LRRIQ1: variants seen among roughly 807,000 people sequenced by gnomAD.
LRRIQ1 encodes leucine-rich repeat- and IQ domain-containing protein 1.
A neutral mutation model predicts 211.9 loss-of-function variants in LRRIQ1; 210 were observed. The ratio of observed to expected loss-of-function variants is 0.99; its 90% CI spans 0.89 to 1.11. The LOEUF (loss-of-function observed/expected upper bound fraction) is 1.11. Among genes scored for constraint, LRRIQ1 ranks in the 50% most tolerant of loss-of-function variants. The pLI is 0.00. For missense variants in LRRIQ1, 2,136 were observed against 1,939.5 expected (o/e 1.10, Z -1.90); for synonymous variants, 699 against 650.1 (o/e 1.08, Z -1.14).
chr12:85,087,987 T>C (rs1225070682), intron 11 of LRRIQ1, among the ~76,000 whole-genome samples: 1 of 152,236 alleles, frequency 6.6e-6, no homozygotes, highest in Non-Finnish European at 1.5e-5. Flanking sequence ...TTGTTGCCAT[T>C]GCTTTCGGTG....
intron 26 of LRRIQ1, among the ~76,000 whole-genome samples, chr12:85,235,018 G>A (rs1054278568): frequency 2.5e-4 from 38 of 152,182 alleles, no homozygotes; most frequent in African/African-American, 8.9e-4. Context: ...CTTAGTTATA[G>A]GGATGAGTAT....
chr12:85,234,138 T>G (rs1895073941), intron 26 of LRRIQ1, among the ~76,000 whole-genome samples: 1 of 151,844 alleles, frequency 6.6e-6, no homozygotes. Flanking sequence ...TTGGGAGGCT[T>G]AGGTGGGAAG....
intron 15 of LRRIQ1, among the ~76,000 whole-genome samples, chr12:85,119,801 G>T (rs185707812): frequency 1.3e-5 from 2 of 152,208 alleles, no homozygotes; most frequent in East Asian, 3.9e-4. Flanking sequence ...ATGCTGGCTT[G>T]TCATCTGTAT....
intron 1 of LRRIQ1, among the ~76,000 whole-genome samples, chr12:85,258,858 C>T (rs1429701348): frequency 3.3e-5 from 5 of 151,938 alleles, no homozygotes; most frequent in Non-Finnish European, 7.4e-5. Context: ...TATTACTATA[C>T]ATCATGAAAT....
At chr12:85,074,216 T>A (rs1217731498) in intron 11 of LRRIQ1, among the ~76,000 whole-genome samples, 3 of 152,060 alleles carry the variant, frequency 2.0e-5, no homozygotes, top group Admixed American at 2.0e-4. Flanking sequence ...AAATTAGTTA[T>A]GAATGTTTTC....
intron 18 of LRRIQ1, among the ~76,000 whole-genome samples, chr12:85,130,103 A>G (rs1445084382): frequency 2.0e-5 from 3 of 152,204 alleles, no homozygotes; most frequent in Non-Finnish European, 4.4e-5. Flanking sequence ...TCAAGTTCTC[A>G]GCTCTTAATA....
At chr12:85,239,356 TACACACAC>T (rs55912271) in intron 26 of LRRIQ1, among the ~76,000 whole-genome samples, 11 of 145,150 alleles carry the variant, frequency 7.6e-5, no homozygotes, top group Admixed American at 2.8e-4. Flanking sequence ...AACTGTTTTA[TACACACAC>T]ACACACACAC....
chr12:85,255,970 A>T (rs7487061), intron 1 of LRRIQ1, among the ~76,000 whole-genome samples: 35,398 of 151,588 alleles, frequency 0.23, 4,624 homozygotes, highest in Non-Finnish European at 0.29. Context: ...AGAAGAGTAA[A>T]CACATAATAG....
intron 24 of LRRIQ1, among the ~76,000 whole-genome samples, chr12:85,168,884 T>C (rs900534548): frequency 6.6e-6 from 1 of 152,170 alleles, no homozygotes; most frequent in African/African-American, 2.4e-5. Flanking sequence ...GCCACACTTC[T>C]TTAGTTATGA....
chr12:85,158,473 A>G lies in LRRIQ1; in HGVS notation c.4721-2140A>G, dbSNP rs150392302. On this transcript the variant is annotated intron_variant, in intron 23 of 26. Coordinates refer to ENST00000393217, the MANE Select transcript of LRRIQ1 (RefSeq NM_001079910.2). ...ACCAGATTTGTATGTAAGAAGAAAA[A>G]TACTAAAATAAAACAATGAGATAAA... Among the ~76,000 whole-genome samples the G allele has an allele frequency of 2.3e-4, 35 of 152,110 alleles. 2 individuals carry two copies. In the East Asian group the frequency reaches 6.6e-3, roughly 29 times the overall value.
At chr12:85,271,344 GA>G in the LRRIQ1 span, among the ~76,000 whole-genome samples, 11 of 149,692 alleles carry the variant, frequency 7.3e-5, no homozygotes, top group East Asian at 5.9e-4. Flanking sequence ...TCTTTTACAT[GA>G]AAAAAAAAAT....
downstream of LRRIQ1, among the ~76,000 whole-genome samples, chr12:85,269,448 A>G (rs999073467): frequency 2.1e-4 from 32 of 152,042 alleles, no homozygotes; most frequent in African/African-American, 6.5e-4. Flanking sequence ...CTTAATGGGT[A>G]TATCAATTTA....
intron 15 of LRRIQ1, among the ~76,000 whole-genome samples, chr12:85,114,704 A>G (rs1887450267): frequency 6.6e-6 from 1 of 152,128 alleles, no homozygotes; most frequent in African/African-American, 2.4e-5. Flanking sequence ...ATTTGGCTAT[A>G]ATTTCTATAT....
intron 26 of LRRIQ1, among the ~76,000 whole-genome samples, chr12:85,242,863 C>T (rs1295819098): frequency 2.6e-5 from 4 of 151,724 alleles, no homozygotes; most frequent in Non-Finnish European, 5.9e-5. Flanking sequence ...GTAACTGACA[C>T]TAGTTATTTT....
At chr12:85,149,569 A>G (rs555851392) in intron 19 of LRRIQ1, among the ~76,000 whole-genome samples, 1 of 151,970 alleles carries the variant, frequency 6.6e-6, no homozygotes, top group South Asian at 2.1e-4. Context: ...AGTGGTAAGC[A>G]TGATATATTA....
intron 26 of LRRIQ1, among the ~76,000 whole-genome samples, chr12:85,241,079 T>C (rs1026290052): frequency 1.1e-4 from 16 of 151,976 alleles, no homozygotes; most frequent in African/African-American, 3.6e-4. Flanking sequence ...ATAAGGTCAG[T>C]AGTTTAGTAA....
chr12:85,154,186 A>G, intron 23 of LRRIQ1, 92 bp downstream of exon 23: 1 of 635,928 alleles, frequency 1.6e-6, no homozygotes. Flanking sequence ...GTTTAATAAG[A>G]ACAGTAATCA....
At chr12:85,043,414 C>T (rs565540452) in intron 3 of LRRIQ1, among the ~76,000 whole-genome samples, 1 of 152,176 alleles carries the variant, frequency 6.6e-6, no homozygotes, top group Admixed American at 6.5e-5. Context: ...TGTAGCCTCT[C>T]TCTGTGGCTT....
chr12:85,235,517 G>T (rs1407975763), intron 26 of LRRIQ1, among the ~76,000 whole-genome samples: 2 of 152,156 alleles, frequency 1.3e-5, no homozygotes, highest in Non-Finnish European at 2.9e-5. Flanking sequence ...CTAGCTTGAG[G>T]CAAGAGGACT....
Sources: gnomAD v4.1 joint callset for allele counts (sites outside exome capture counted in the v4.1 genomes callset) on GRCh38, gnomAD v4.1.1 for gene constraint, MANE v1.5 for transcripts, NCBI Gene and HGNC (gene_info 2026-07-23, HGNC 2026-07-21) for gene names.